The following CUL2 variants were observed in gnomAD, a reference collection of about 807,000 sequenced individuals.
CUL2 encodes the protein cullin 2.
In CUL2, 22 loss-of-function variants were observed where a neutral mutation model predicts 110.2. That is an observed-to-expected ratio of 0.20 (90% CI 0.14 to 0.28). CUL2 has a LOEUF of 0.28. Ranked by LOEUF, CUL2 falls within the 10% of genes least tolerant of loss-of-function variation. The probability of loss-of-function intolerance (pLI) is 1.00; values close to 1 mark genes in which losing one functional copy is unlikely to be tolerated. For synonymous variants in CUL2, 279 were observed against 293.2 expected (o/e 0.95, Z 0.49); for missense variants, 631 against 905.5 (o/e 0.70, Z 3.89).
chr10:35,058,620 T>C (rs1021568016), intron 4 of CUL2, among the ~76,000 whole-genome samples: 1 of 152,208 alleles, frequency 6.6e-6, no homozygotes, highest in African/African-American at 2.4e-5. Context: ...TTCCCTGAGA[T>C]GTCTGCACAA....
upstream of CUL2, among the ~76,000 whole-genome samples, chr10:35,095,397 T>G (rs938351151): frequency 6.6e-6 from 1 of 152,016 alleles, no homozygotes; most frequent in African/African-American, 2.4e-5. Flanking sequence ...TAGAGAATCA[T>G]GTTTGGGTTG....
At chr10:35,071,795 G>T (rs1241521233) in intron 1 of CUL2, among the ~76,000 whole-genome samples, 1 of 152,144 alleles carries the variant, frequency 6.6e-6, no homozygotes, top group African/African-American at 2.4e-5. Flanking sequence ...CAAAATGTTA[G>T]CTACCATCTT....
intron 8 of CUL2, among the ~76,000 whole-genome samples, chr10:35,041,659 T>C (rs2085792158): frequency 6.6e-6 from 1 of 152,110 alleles, no homozygotes; most frequent in Non-Finnish European, 1.5e-5. Context: ...CACCTCAGCG[T>C]CCCAAGAGCT....
intron 1 of CUL2, among the ~76,000 whole-genome samples, chr10:35,074,764 G>A (rs549124417): frequency 1.6e-3 from 246 of 152,338 alleles, no homozygotes; most frequent in Non-Finnish European, 3.0e-3. Flanking sequence ...TGGGATTATA[G>A]GTGTGAGCCA....
At chr10:35,033,564 G>A (rs1033975631) in intron 10 of CUL2, among the ~76,000 whole-genome samples, 3 of 151,798 alleles carry the variant, frequency 2.0e-5, no homozygotes, top group Admixed American at 6.6e-5. Context: ...GTGAAACCCC[G>A]TCTCTACTAA....
rs58058299 is a variant in CUL2, at chr10:35,009,201, T to TTATATATATATATATATATATATATA, written c.*1109_*1110insTATATATATATATATATATATATATA. 1 of 137,896 alleles carries TTATATATATATATATATATATATATA rather than the reference T, an allele frequency of 7.3e-6. No homozygotes were observed. The highest frequency in any genetic ancestry group is 1.5e-5 in the Non-Finnish European group (1 of 65,058). 8.5% of individuals were successfully genotyped at this position (137,896 alleles called of 1,614,324 possible). A position where few individuals can be genotyped will look rare whatever the true frequency, so the allele number is the denominator to read the frequency against. On this transcript the variant is annotated 3_prime_UTR_variant, in exon 21 of 21. Coordinates refer to ENST00000374749, the MANE Select transcript of CUL2 (RefSeq NM_003591.4). ...CTGTTGAGATATATATATATATATA[T>TTATATATATATATATATATATATATA]TATATATATATATATATATAAAATA...
intron 1 of CUL2, among the ~76,000 whole-genome samples, chr10:35,103,648 C>T (rs971874661): frequency 2.0e-5 from 3 of 151,910 alleles, no homozygotes; most frequent in African/African-American, 4.8e-5. Context: ...TTAATAGAGA[C>T]GAGGTTTAAG....
At chr10:35,076,987 G>A (rs1483354105) in intron 1 of CUL2, among the ~76,000 whole-genome samples, 1 of 152,106 alleles carries the variant, frequency 6.6e-6, no homozygotes, top group Non-Finnish European at 1.5e-5. Context: ...AGGAGGCGGA[G>A]CTTGCAATGA....
At chr10:35,035,018 A>C (rs980299510) in intron 10 of CUL2, among the ~76,000 whole-genome samples, 154 bp downstream of exon 10, 2 of 152,236 alleles carry the variant, frequency 1.3e-5, no homozygotes, top group African/African-American at 4.8e-5. Context: ...AATGAGTCCA[A>C]CAAATTCTAG....
intron 19 of CUL2, among the ~76,000 whole-genome samples, chr10:35,012,424 A>G (rs1176833339): frequency 6.6e-6 from 1 of 152,166 alleles, no homozygotes; most frequent in African/African-American, 2.4e-5. Flanking sequence ...ACGCTTTTAG[A>G]TGGAGTTGTG....
chr10:35,122,214 C>T (rs1240458010), intron 1 of CUL2, among the ~76,000 whole-genome samples: 2 of 152,134 alleles, frequency 1.3e-5, no homozygotes, highest in South Asian at 2.1e-4. Context: ...CATAGAAATG[C>T]TTTTAAGGTG....
At chr10:35,080,433 T>TTTTTTTTA (rs2086917331) in intron 1 of CUL2, among the ~76,000 whole-genome samples, 6 of 140,634 alleles carry the variant, frequency 4.3e-5, no homozygotes, top group Non-Finnish European at 6.1e-5. Context: ...GAATTCCTAT[T>TTTTTTTTA]TTTATTTATT....
intron 14 of CUL2, among the ~76,000 whole-genome samples, chr10:35,030,148 G>A (rs551126093): frequency 6.6e-6 from 1 of 152,184 alleles, no homozygotes; most frequent in East Asian, 1.9e-4. Flanking sequence ...CACAGCTGCT[G>A]GCTCTTATAA....
At chr10:35,085,161 G>C (rs1049506992) in intron 1 of CUL2, among the ~76,000 whole-genome samples, 2 of 151,990 alleles carry the variant, frequency 1.3e-5, no homozygotes, top group Non-Finnish European at 2.9e-5. Flanking sequence ...GGGTGTGGTG[G>C]CTCACACCTG....
At chr10:35,061,674 C>G (rs1204785037) in intron 3 of CUL2, among the ~76,000 whole-genome samples, 1 of 151,720 alleles carries the variant, frequency 6.6e-6, no homozygotes, top group African/African-American at 2.4e-5. Flanking sequence ...CACATTAGAA[C>G]ACTAAAATGC....
chr10:35,083,222 A>T (rs1322016513), intron 1 of CUL2, among the ~76,000 whole-genome samples: 1 of 152,130 alleles, frequency 6.6e-6, no homozygotes, highest in Admixed American at 6.6e-5. Flanking sequence ...GTCAGAAAAT[A>T]GCAGTTATAA....
At chr10:35,068,029 GA>G (rs772823607) in intron 2 of CUL2, among the ~76,000 whole-genome samples, 1 of 149,660 alleles carries the variant, frequency 6.7e-6, no homozygotes, top group Non-Finnish European at 1.5e-5. Context: ...AGAATGGCAT[GA>G]ACCCGGGAGG....
chr10:35,071,332 G>T lies in CUL2; in HGVS notation c.-15C>A. ...TTCAAAGACATTGTGCAAGTGTAGT[G>T]TTGAAATCTGTCAATTAAAAAACAA... On this transcript the variant is annotated 5_prime_UTR_variant, in exon 2 of 21. Transcript: ENST00000374749. The T allele has an allele frequency of 6.2e-7, 1 of 1,604,704 alleles. No homozygotes were observed. The highest frequency in any genetic ancestry group is 8.5e-7 in the Non-Finnish European group (1 of 1,174,190).
intron 5 of CUL2, among the ~76,000 whole-genome samples, chr10:35,051,567 C>G (rs1307947983): frequency 2.0e-5 from 3 of 152,194 alleles, no homozygotes; most frequent in South Asian, 2.1e-4. Context: ...GAGCCGAGAT[C>G]GTGCCACTGC....
Sources: gnomAD v4.1 joint callset for allele counts (sites outside exome capture counted in the v4.1 genomes callset) on GRCh38, gnomAD v4.1.1 for gene constraint, MANE v1.5 for transcripts, NCBI Gene and HGNC (gene_info 2026-07-23, HGNC 2026-07-21) for gene names.